The following RBPJ variants were observed in gnomAD, a reference collection of about 807,000 sequenced individuals.
RBPJ encodes the protein recombination signal binding protein for immunoglobulin kappa J region.
RBPJ carries 9 observed loss-of-function variants against 67.8 expected under a neutral mutation model. That is an observed-to-expected ratio of 0.13 (90% CI 0.08 to 0.23). The LOEUF is 0.23. RBPJ is among the 10% of genes least tolerant of loss of function. The pLI is 1.00. For synonymous variants in RBPJ, 198 were observed against 203.3 expected (o/e 0.97, Z 0.22); for missense variants, 305 against 595.6 (o/e 0.51, Z 5.08).
At chr4:26,269,953 T>C (rs1451358923) in intron 1 of RBPJ, among the ~76,000 whole-genome samples, 1 of 152,028 alleles carries the variant, frequency 6.6e-6, no homozygotes, top group Non-Finnish European at 1.5e-5. Flanking sequence ...AGAATCTGGC[T>C]TATAGGGTAA....
the RBPJ span, among the ~76,000 whole-genome samples, chr4:26,153,237 C>A: frequency 1.3e-5 from 2 of 152,218 alleles, no homozygotes; most frequent in South Asian, 4.1e-4. Context: ...AATGTAGATG[C>A]TACTGAGAAG....
At chr4:26,319,959 G>C (rs977847220), upstream of RBPJ, 10 of 1,358,134 alleles carry the variant, frequency 7.4e-6, no homozygotes, top group South Asian at 7.8e-5. Context: ...GGTTTGCCCG[G>C]GGGCTTCCGG....
At chr4:26,256,864 C>T (rs1038261826) in intron 1 of RBPJ, among the ~76,000 whole-genome samples, 9 of 152,262 alleles carry the variant, frequency 5.9e-5, no homozygotes, top group Admixed American at 2.6e-4. Flanking sequence ...GATGACCAGG[C>T]GAAGGTCACA....
chr4:26,111,256 A>G, the RBPJ span, among the ~76,000 whole-genome samples: 1 of 151,932 alleles, frequency 6.6e-6, no homozygotes, highest in East Asian at 1.9e-4. Context: ...CTGTCCCCCC[A>G]GCCCCAAGCT....
the RBPJ span, among the ~76,000 whole-genome samples, chr4:26,120,349 A>G: frequency 6.6e-6 from 1 of 152,134 alleles, no homozygotes; most frequent in Admixed American, 6.5e-5. Flanking sequence ...AAGTACCACT[A>G]CAGTAAACAC....
chr4:26,108,055 A>G, the RBPJ span, among the ~76,000 whole-genome samples: 3 of 152,080 alleles, frequency 2.0e-5, no homozygotes, highest in African/African-American at 7.2e-5. Flanking sequence ...GTCTCTCCTC[A>G]TCCAGTGTGG....
chr4:26,209,819 C>T (rs1718319491), intron 1 of RBPJ, among the ~76,000 whole-genome samples: 1 of 52,314 alleles, frequency 1.9e-5, no homozygotes, highest in Admixed American at 1.7e-4. Context: ...TTCCTCCTTC[C>T]CTCTCCCCCC....
intron 1 of RBPJ, among the ~76,000 whole-genome samples, chr4:26,347,165 A>G (rs904863276): frequency 4.6e-5 from 7 of 152,152 alleles, no homozygotes; most frequent in Non-Finnish European, 2.9e-5. Flanking sequence ...GCTTCTGAAC[A>G]TGTCGACTTT....
chr4:26,355,949 T>C (rs1727331750), intron 1 of RBPJ, among the ~76,000 whole-genome samples: 2 of 152,204 alleles, frequency 1.3e-5, no homozygotes. Context: ...ACTTTTTAAC[T>C]ATGTTAGAGG....
chr4:26,434,663 C>G lies in RBPJ; in HGVS notation c.*3656C>G, dbSNP rs1736514068. On this transcript the variant is annotated 3_prime_UTR_variant, in exon 11 of 11. Transcript: ENST00000355476. ...TGCCAGCATTCAGTACTGTGTTGGT[C>G]CAGATGTAGGTTTATATGCTCATTT... is the stretch of plus-strand genomic sequence containing the variant. 1 of 152,162 alleles carries G rather than the reference C, an allele frequency of 6.6e-6. No homozygotes were observed. Among genetic ancestry groups the G allele is most frequent in the South Asian group, 2.1e-4 (1 of 4,830 alleles). The allele number at this position is 152,162 out of a possible 1,614,324, so 9.4% of individuals were successfully genotyped here.
intron 1 of RBPJ, among the ~76,000 whole-genome samples, chr4:26,297,825 G>GA (rs939173162): frequency 6.7e-6 from 1 of 150,238 alleles, no homozygotes; most frequent in East Asian, 1.9e-4. Context: ...AAGAATATGA[G>GA]AAAAAAACAA....
At chr4:26,324,963 A>C (rs1723466118) in intron 1 of RBPJ, among the ~76,000 whole-genome samples, 1 of 152,232 alleles carries the variant, frequency 6.6e-6, no homozygotes, top group South Asian at 2.1e-4. Flanking sequence ...CTTAAGAATA[A>C]ATTCTAATAA....
intron 1 of RBPJ, among the ~76,000 whole-genome samples, chr4:26,241,285 G>C (rs917919105): frequency 1.3e-5 from 2 of 151,964 alleles, no homozygotes; most frequent in African/African-American, 4.8e-5. Context: ...GAATCTGTTA[G>C]CCAAGTTAGT....
intron 1 of RBPJ, among the ~76,000 whole-genome samples, chr4:26,177,878 T>C (rs1214736565): frequency 6.6e-6 from 1 of 152,232 alleles, no homozygotes; most frequent in Non-Finnish European, 1.5e-5. Flanking sequence ...GCACATGTAA[T>C]AAACACCATT....
Position 26,338,536 on chromosome 4 carries a change from T to G in RBPJ, c.20+17488T>G, listed in dbSNP as rs192451229. ...TTTAACCCTTCTGGAAGTTTGGCTT[T>G]TTTGTTTGTTTTGGTGTGTGTTACA... On this transcript the variant is annotated intron_variant, in intron 1 of 10. Coordinates refer to ENST00000355476, the MANE Select transcript of RBPJ (RefSeq NM_015874.6). 2.0e-3 allele frequency among the ~76,000 whole-genome samples: 300 copies of G among 151,978 alleles called. 1 individual carries two copies. Among genetic ancestry groups the G allele is most frequent in the African/African-American group, 7.0e-3 (289 of 41,498 alleles).
At chr4:26,211,290 C>T (rs1718414519) in intron 1 of RBPJ, among the ~76,000 whole-genome samples, 1 of 152,144 alleles carries the variant, frequency 6.6e-6, no homozygotes, top group Non-Finnish European at 1.5e-5. Flanking sequence ...TGTTAAAGAT[C>T]TATCACTCTA....
chr4:26,288,847 C>CTTCTTTTTTTGAGATGGAGTCTCG (rs201544152), intron 1 of RBPJ, among the ~76,000 whole-genome samples: 1 of 151,360 alleles, frequency 6.6e-6, no homozygotes, highest in Non-Finnish European at 1.5e-5. Context: ...GAAGCGAGGT[C>CTTCTTTTTTTGAGATGGAGTCTCG]ACTTTTGTAC....
chr4:26,309,937 T>C (rs1722370175), intron 1 of RBPJ, among the ~76,000 whole-genome samples: 1 of 152,224 alleles, frequency 6.6e-6, no homozygotes, highest in African/African-American at 2.4e-5. Context: ...TTGTACACAT[T>C]CTTTTCACCA....
the RBPJ span, among the ~76,000 whole-genome samples, chr4:26,108,051 C>G: frequency 4.6e-5 from 7 of 152,328 alleles, no homozygotes; most frequent in East Asian, 1.4e-3. Flanking sequence ...TTATGTCTCT[C>G]CTCATCCAGT....
Sources: allele counts gnomAD v4.1 joint callset (sites outside exome capture counted in the v4.1 genomes callset), GRCh38; gene constraint gnomAD v4.1.1; transcripts MANE v1.5; gene names NCBI Gene and HGNC (gene_info 2026-07-23, HGNC 2026-07-21).